The following SLC16A12 variants were observed in gnomAD, a reference collection of about 807,000 sequenced individuals.
SLC16A12 encodes monocarboxylate transporter 12.
SLC16A12 carries 17 observed loss-of-function variants against 42.4 expected under a neutral mutation model. The observed-to-expected ratio is 0.40, with a 90% CI of 0.27 to 0.60. The LOEUF is 0.60. Among genes scored for constraint, SLC16A12 ranks in the 20% least tolerant of loss-of-function variants. The probability of loss-of-function intolerance (pLI) is 0.42; values close to 1 mark genes in which losing one functional copy is unlikely to be tolerated. For missense variants in SLC16A12, 544 were observed against 623.0 expected (o/e 0.87, Z 1.35); for synonymous variants, 224 against 229.4 (o/e 0.98, Z 0.21).
chr10:89,441,043 C>T lies in SLC16A12; in HGVS notation c.448+65G>A. 6 of 1,586,904 alleles carry T rather than the reference C, an allele frequency of 3.8e-6. 1 individual carries two copies. In the South Asian group the frequency reaches 6.6e-5, roughly 18 times the overall value. On this transcript the variant is annotated intron_variant, in intron 5 of 7. Coordinates refer to ENST00000371790, the MANE Select transcript of SLC16A12 (RefSeq NM_213606.4). ...AATGAATATTTTATGAATTACTTCT[C>T]TGTTGATGTGCTTGGAAACCCCTGA...
intron 2 of SLC16A12, among the ~76,000 whole-genome samples, chr10:89,553,762 AC>A: frequency 6.6e-6 from 1 of 152,084 alleles, no homozygotes; most frequent in Admixed American, 6.6e-5. Context: ...TAATCTCAGC[AC>A]TTTGGGTGGA....
At chr10:89,530,691 T>C (rs1478877198) in intron 2 of SLC16A12, among the ~76,000 whole-genome samples, 1 of 152,106 alleles carries the variant, frequency 6.6e-6, no homozygotes, top group South Asian at 2.1e-4. Flanking sequence ...AGTGCTGGGA[T>C]TACAGGTGTG....
chr10:89,537,816 G>T (rs1166366463), upstream of SLC16A12, among the ~76,000 whole-genome samples: 1 of 152,158 alleles, frequency 6.6e-6, no homozygotes, highest in African/African-American at 2.4e-5. Context: ...ACTTACAGGG[G>T]GCTCTAGCAA....
At chr10:89,473,765 C>G (rs1253596561) in intron 2 of SLC16A12, among the ~76,000 whole-genome samples, 1 of 147,658 alleles carries the variant, frequency 6.8e-6, no homozygotes, top group African/African-American at 2.5e-5. Context: ...CCATTTGAAG[C>G]TCTTTGATCT....
intron 2 of SLC16A12, among the ~76,000 whole-genome samples, chr10:89,510,216 C>T (rs1269183164): frequency 1.3e-5 from 2 of 152,108 alleles, no homozygotes; most frequent in African/African-American, 4.8e-5. Context: ...ACTTTCTTCA[C>T]AGAATTGGAA....
At chr10:89,539,346 C>T (rs889172803), upstream of SLC16A12, among the ~76,000 whole-genome samples, 1 of 152,138 alleles carries the variant, frequency 6.6e-6, no homozygotes, top group Non-Finnish European at 1.5e-5. Context: ...CTTCCCTACT[C>T]AGAATTGAGT....
chr10:89,467,641 G>T (rs1243452788), intron 2 of SLC16A12, among the ~76,000 whole-genome samples: 2 of 152,196 alleles, frequency 1.3e-5, no homozygotes. Context: ...TAAAGCTTAT[G>T]TAAAAGTTGT....
intron 2 of SLC16A12, among the ~76,000 whole-genome samples, chr10:89,489,999 T>A (rs1434165798): frequency 6.6e-6 from 1 of 152,206 alleles, no homozygotes; most frequent in Non-Finnish European, 1.5e-5. Flanking sequence ...TAATGCTACA[T>A]AAACTCTGTT....
intron 2 of SLC16A12, among the ~76,000 whole-genome samples, chr10:89,507,837 T>A (rs530047881): frequency 1.6e-4 from 25 of 152,222 alleles, no homozygotes; most frequent in Admixed American, 3.3e-4. Flanking sequence ...GAGACTCATC[T>A]CACATGCAAA....
upstream of SLC16A12, among the ~76,000 whole-genome samples, chr10:89,537,544 C>G (rs2133880879): frequency 6.6e-6 from 1 of 152,204 alleles, no homozygotes; most frequent in South Asian, 2.1e-4. Flanking sequence ...AGAACAAATA[C>G]AGCTTGTAAA....
In SLC16A12 at chr10:89,441,241, C is replaced by A. The variant is rs770212962; in HGVS notation, c.315G>T (p.Gly105=). ...AGGATAAATGGTTACTGACAACACT[C>A]CCAAGTGGAGCTTCAAAAACAATAA... ...DCVTMLCAPL[G]SVVSNHLSCQ... is the part of the protein sequence containing the mutation. The change falls in exon 5 of 8, where the codon GGG becomes GGT. Residue 105 remains glycine, a synonymous_variant. Coordinates refer to ENST00000371790, the MANE Select transcript of SLC16A12 (RefSeq NM_213606.4). 1 of 1,613,950 alleles carries A rather than the reference C, an allele frequency of 6.2e-7. No individual in the cohort carries two copies. The highest frequency in any genetic ancestry group is 1.3e-5 in the African/African-American group (1 of 74,912).
chr10:89,453,484 AT>A (rs1414341636), intron 3 of SLC16A12, among the ~76,000 whole-genome samples: 1 of 152,194 alleles, frequency 6.6e-6, no homozygotes, highest in African/African-American at 2.4e-5. Flanking sequence ...TTATAATATC[AT>A]ATTTTTACTG....
intron 2 of SLC16A12, among the ~76,000 whole-genome samples, chr10:89,503,883 A>C (rs1162858377): frequency 6.6e-6 from 1 of 152,240 alleles, no homozygotes; most frequent in Admixed American, 6.5e-5. Context: ...CTGGAAGTGA[A>C]GGAGGAAGTC....
upstream of SLC16A12, among the ~76,000 whole-genome samples, chr10:89,536,146 C>T (rs1843657328): frequency 1.3e-5 from 2 of 152,224 alleles, no homozygotes; most frequent in South Asian, 2.1e-4. Flanking sequence ...GACCCCTGAC[C>T]TCGGCAAGCC....
upstream of SLC16A12, among the ~76,000 whole-genome samples, chr10:89,538,786 G>T (rs55762582): frequency 7.0e-3 from 1,060 of 152,220 alleles, 3 homozygotes; most frequent in Non-Finnish European, 0.011. Flanking sequence ...AAATATTGGG[G>T]AATGACAAAG....
rs1295735157 is a variant in SLC16A12, at chr10:89,483,757, A to AC, written c.-46-21134_-46-21133insG. ...TGCCTCTAAAAAAAAAAAAAAACAA[A>AC]AAAAAAAAAACGGAAGAAGAAAATC... On this transcript the variant is annotated intron_variant, in intron 2 of 7. Coordinates refer to ENST00000371790, the MANE Select transcript of SLC16A12 (RefSeq NM_213606.4). Among the ~76,000 whole-genome samples, 181 of 151,050 alleles carry AC rather than the reference A, an allele frequency of 1.2e-3. 1 individual carries two copies. The highest frequency in any genetic ancestry group is 3.6e-3 in the African/African-American group (149 of 41,180).
At chr10:89,450,474 G>A (rs976954514) in intron 3 of SLC16A12, among the ~76,000 whole-genome samples, 2 of 152,210 alleles carry the variant, frequency 1.3e-5, no homozygotes, top group Admixed American at 6.5e-5. Context: ...CATGGATGAA[G>A]CTGGAAACCA....
intron 2 of SLC16A12, among the ~76,000 whole-genome samples, chr10:89,464,929 T>C (rs929714421): frequency 6.6e-6 from 1 of 152,168 alleles, no homozygotes; most frequent in Admixed American, 6.5e-5. Context: ...TATAAATCTA[T>C]CAAAAGTATT....
At chr10:89,441,388 G>T in intron 4 of SLC16A12, 137 bp from the exon 5 acceptor site, 1 of 1,063,622 alleles carries the variant, frequency 9.4e-7, no homozygotes. Flanking sequence ...TGGAAACTGA[G>T]GCCCAGAGAA....
Sources: allele counts gnomAD v4.1 joint callset (sites outside exome capture counted in the v4.1 genomes callset), GRCh38; gene constraint gnomAD v4.1.1; transcripts MANE v1.5; gene names NCBI Gene and HGNC (gene_info 2026-07-23, HGNC 2026-07-21).